Variants in TMEM273 observed in about 807,000 individuals in gnomAD.
TMEM273 encodes the protein transmembrane protein 273, also known as chromosome 10 open reading frame 128.
Under a neutral mutation model 17.9 loss-of-function variants are expected in TMEM273, and 19 were observed. The observed-to-expected ratio is 1.06, with a 90% confidence interval of 0.74 to 1.55. The LOEUF is 1.55. Ranked by LOEUF, TMEM273 falls within the 40% of genes most tolerant of loss-of-function variation. TMEM273 has a pLI of 0.00. For synonymous variants in TMEM273, 66 were observed against 62.0 expected (o/e 1.07, Z -0.31); for missense variants, 194 against 155.6 (o/e 1.25, Z -1.31).
chr10:49,184,305 A>C (rs1390069591), intron 1 of TMEM273, among the ~76,000 whole-genome samples: 1 of 152,234 alleles, frequency 6.6e-6, no homozygotes, highest in Non-Finnish European at 1.5e-5. Context: ...GAAAAGACCA[A>C]TAAATGTGAT....
At chr10:49,160,834 G>A (rs371411191) in intron 6 of TMEM273, 2 of 152,298 alleles carry the variant, frequency 1.3e-5, no homozygotes, top group East Asian at 3.9e-4. Context: ...GGTGAAGGGT[G>A]TATATATTTT....
intron 3 of TMEM273, 102 bp from the exon 4 acceptor site, chr10:49,165,898 G>A (rs1323497754): frequency 1.1e-5 from 17 of 1,501,232 alleles, no homozygotes; most frequent in South Asian, 2.3e-5. Flanking sequence ...TCTCACTCAC[G>A]GTTGCCCTCG....
chr10:49,183,872 G>T (rs907190364), intron 1 of TMEM273, among the ~76,000 whole-genome samples: 1 of 151,972 alleles, frequency 6.6e-6, no homozygotes, highest in Non-Finnish European at 1.5e-5. Flanking sequence ...TGAATTAAGG[G>T]CCAAAATGAT....
chr10:49,185,843 G>A lies in TMEM273; in HGVS notation c.43+2451C>T, dbSNP rs530321512. ...AAAATACAAAATTAGCCAGGTGCGG[G>A]GGCATGTGCCTGTAATCCCAGCTAC... On this transcript the variant is annotated intron_variant, in intron 1 of 6. Coordinates refer to ENST00000374153, the MANE Select transcript of TMEM273 (RefSeq NM_001288740.3). Among the ~76,000 whole-genome samples the A allele has an allele frequency of 1.3e-3, 195 of 151,598 alleles. 1 individual carries two copies. Among genetic ancestry groups the A allele is most frequent in the Non-Finnish European group, 2.4e-3 (163 of 67,906 alleles).
chr10:49,163,219 G>A (rs1474459141), intron 5 of TMEM273, among the ~76,000 whole-genome samples: 3 of 152,082 alleles, frequency 2.0e-5, no homozygotes, highest in African/African-American at 7.2e-5. Flanking sequence ...GGAGCAGTTC[G>A]GCATGTTTCT....
At chr10:49,159,774 T>C (rs1403442308) in intron 6 of TMEM273, among the ~76,000 whole-genome samples, 9 of 151,914 alleles carry the variant, frequency 5.9e-5, no homozygotes, top group Non-Finnish European at 5.9e-5. Context: ...TTGGGAAAAT[T>C]AGACCCTTGT....
At chr10:49,160,440 G>A (rs2132099750) in intron 6 of TMEM273, 1 of 152,252 alleles carries the variant, frequency 6.6e-6, no homozygotes, top group Non-Finnish European at 1.5e-5. Flanking sequence ...ACGGGGCTTA[G>A]GGACTTCTCA....
At chr10:49,176,042 A>T (rs905779715) in intron 1 of TMEM273, among the ~76,000 whole-genome samples, 2 of 152,208 alleles carry the variant, frequency 1.3e-5, no homozygotes, top group African/African-American at 4.8e-5. Flanking sequence ...CTGAGTCCCC[A>T]TTCTGCCACC....
At chr10:49,173,763 AGT>A (rs1846745801) in intron 1 of TMEM273, among the ~76,000 whole-genome samples, 2 of 152,188 alleles carry the variant, frequency 1.3e-5, no homozygotes, top group African/African-American at 4.8e-5. Context: ...GTCTGAACTG[AGT>A]GTTAAACCAG....
Position 49,156,117 on chromosome 10 carries a change from T to C in TMEM273, c.373-208A>G, listed in dbSNP as rs1481769134. ...GGGGAGAGCTCAACCTGGAAGTTGTTTTCTGCCTGCCAAACCCAAGGCAAA... is the reference window on the plus strand; with the variant it reads ...GGGGAGAGCTCAACCTGGAAGTTGTCTTCTGCCTGCCAAACCCAAGGCAAA... On this transcript the variant is annotated intron_variant, in intron 6 of 6. Coordinates refer to ENST00000374153, the MANE Select transcript of TMEM273 (RefSeq NM_001288740.3). The C allele has an allele frequency of 2.6e-6, 4 of 1,539,906 alleles. No homozygotes were observed. In the Admixed American group the frequency reaches 5.9e-5, roughly 23 times the overall value.
chr10:49,155,786 T>C lies in TMEM273; in HGVS notation c.*106A>G, dbSNP rs1845471141. ...TCCAATATTCAGTCCATGTGAAAGT[T>C]CATTACCAGCCTTGGGTGTTTGAAT... is the stretch of plus-strand genomic sequence containing the variant. On this transcript the variant is annotated 3_prime_UTR_variant, in exon 7 of 7. Coordinates refer to ENST00000374153, the MANE Select transcript of TMEM273 (RefSeq NM_001288740.3). 3 of 1,543,432 alleles carry C rather than the reference T, an allele frequency of 1.9e-6. No individual in the cohort carries two copies. Among genetic ancestry groups the C allele is most frequent in the South Asian group, 2.3e-5 (2 of 87,870 alleles).
chr10:49,173,342 TG>T (rs1846711189), intron 1 of TMEM273, among the ~76,000 whole-genome samples: 1 of 152,112 alleles, frequency 6.6e-6, no homozygotes, highest in African/African-American at 2.4e-5. Flanking sequence ...CACTGGAGAC[TG>T]GGAGATAGGA....
intron 1 of TMEM273, among the ~76,000 whole-genome samples, chr10:49,173,993 A>G (rs6537501): frequency 0.45 from 68,520 of 152,064 alleles, 17,044 homozygotes; most frequent in Non-Finnish European, 0.57. Context: ...CAGAAAAGAA[A>G]TCAGATGTGT....
chr10:49,155,390 C>T lies in TMEM273; in HGVS notation c.*502G>A, dbSNP rs925965998. 6.9e-5 allele frequency: 12 copies of T among 174,928 alleles called. No homozygotes were observed. Among genetic ancestry groups the T allele is most frequent in the Non-Finnish European group, 8.5e-5 (7 of 82,122 alleles). 10.8% of individuals were successfully genotyped at this position (174,928 alleles called of 1,614,324 possible). A position where few individuals can be genotyped will look rare whatever the true frequency, so the allele number is the denominator to read the frequency against. ...AGACCATCCCGGAGTCCCCATGTTT[C>T]AGGACTCCCGAATCTTCACATAGTC... is the stretch of plus-strand genomic sequence containing the variant. On this transcript the variant is annotated 3_prime_UTR_variant, in exon 7 of 7. Coordinates refer to ENST00000374153, the MANE Select transcript of TMEM273 (RefSeq NM_001288740.3).
At chr10:49,163,218 C>A (rs980626667) in intron 5 of TMEM273, among the ~76,000 whole-genome samples, 15 of 151,886 alleles carry the variant, frequency 9.9e-5, no homozygotes, top group Non-Finnish European at 1.9e-4. Flanking sequence ...GGGAGCAGTT[C>A]GGCATGTTTC....
At chr10:49,161,471 G>A in intron 6 of TMEM273, 128 bp downstream of exon 6, 1 of 1,175,400 alleles carries the variant, frequency 8.5e-7, no homozygotes, top group South Asian at 1.3e-5. Flanking sequence ...GAGGGCTCCT[G>A]GCCATGCCAT....
At position 49,177,521 on chromosome 10, in the gene TMEM273, C is replaced by T. The variant is rs1354839857; in HGVS notation, c.44-9559G>A. Among the ~76,000 whole-genome samples, 8 of 152,340 alleles carry T rather than the reference C, an allele frequency of 5.3e-5. No homozygotes were observed. The East Asian group carries it at 1.5e-3, about 29-fold the overall frequency. ...CCTGGAGCCAGTGTCAGGACAAGGGCCTCTCTTGGGGACAGTGGCCTCTTT... is the reference window on the plus strand; with the variant it reads ...CCTGGAGCCAGTGTCAGGACAAGGGTCTCTCTTGGGGACAGTGGCCTCTTT... On this transcript the variant is annotated intron_variant, in intron 1 of 6. Transcript: ENST00000374153.
At chr10:49,155,956 A>G (rs1399626611) in intron 6 of TMEM273, 47 bp from the exon 7 acceptor site, 6 of 1,613,512 alleles carry the variant, frequency 3.7e-6, no homozygotes, top group African/African-American at 1.3e-5. Flanking sequence ...GAGAGCAACT[A>G]TACTCTAATG....
intron 2 of TMEM273, 131 bp downstream of exon 2, chr10:49,167,778 G>A (rs892372458): frequency 1.7e-5 from 20 of 1,153,306 alleles, no homozygotes; most frequent in Admixed American, 7.9e-5. Flanking sequence ...GGACCTGGAG[G>A]TGAGGGTGCC....
Sources: gnomAD v4.1 joint callset for allele counts (sites outside exome capture counted in the v4.1 genomes callset) on GRCh38, gnomAD v4.1.1 for gene constraint, MANE v1.5 for transcripts, NCBI Gene and HGNC (gene_info 2026-07-23, HGNC 2026-07-21) for gene names.